CCDC192: variants seen among roughly 807,000 people sequenced by gnomAD.
CCDC192 encodes the protein coiled-coil domain containing 192.
At chr5:127,933,548 G>A (rs7708880) in intron 6 of CCDC192, among the ~76,000 whole-genome samples, 15 of 152,164 alleles carry the variant, frequency 9.9e-5, no homozygotes, top group African/African-American at 2.9e-4. Flanking sequence ...TGAGTGATGC[G>A]AGTGGTTAGA....
At chr5:127,734,871 G>A (rs1752877007) in intron 2 of CCDC192, among the ~76,000 whole-genome samples, 1 of 151,744 alleles carries the variant, frequency 6.6e-6, no homozygotes, top group Non-Finnish European at 1.5e-5. Context: ...CTCCCATTCT[G>A]TAGGTTGCCT....
At chr5:127,713,234 C>CA (rs1405311583) in intron 2 of CCDC192, among the ~76,000 whole-genome samples, 1,477 of 139,374 alleles carry the variant, frequency 0.011, 21 homozygotes, top group African/African-American at 0.032. Context: ...AACTCTATCT[C>CA]AAAAAAAAAA....
intron 6 of CCDC192, among the ~76,000 whole-genome samples, chr5:127,907,534 A>G (rs184598904): frequency 5.4e-4 from 83 of 152,328 alleles, no homozygotes; most frequent in African/African-American, 1.9e-3. Flanking sequence ...AATAGATGTT[A>G]AAGTCTGACA....
Position 127,753,642 on chromosome 5 carries a change from C to A in CCDC192, c.115-626C>A, listed in dbSNP as rs553957294. On this transcript the variant is annotated intron_variant, in intron 2 of 6. Coordinates refer to ENST00000514853, the MANE Select transcript of CCDC192 (RefSeq NM_001317938.2). ...GGTGGAGGTTGCAGTGAGCCAAGAT[C>A]GTGCCCTTGCACTCGGCCTGGGCAA... 2.0e-5 allele frequency among the ~76,000 whole-genome samples: 3 copies of A among 149,910 alleles called. No individual in the cohort carries two copies. The Admixed American group carries it at 2.0e-4, about 10-fold the overall frequency.
At chr5:127,790,604 C>T (rs1580663744) in intron 3 of CCDC192, among the ~76,000 whole-genome samples, 2 of 152,186 alleles carry the variant, frequency 1.3e-5, no homozygotes, top group East Asian at 3.8e-4. Flanking sequence ...TCATTATCCT[C>T]TCCTCTTCCT....
chr5:127,707,769 T>A lies in CCDC192; in HGVS notation c.114+9T>A. 2.5e-6 allele frequency: 1 copy of A among 398,584 alleles called. No homozygotes were observed. The highest frequency in any genetic ancestry group is 4.4e-6 in the Non-Finnish European group (1 of 225,816). The allele number at this position is 398,584 out of a possible 1,614,324, so 24.7% of individuals were successfully genotyped here. A position where few individuals can be genotyped will look rare whatever the true frequency, so the allele number is the denominator to read the frequency against. On this transcript the variant is annotated intron_variant, in intron 2 of 6. Coordinates refer to ENST00000514853, the MANE Select transcript of CCDC192 (RefSeq NM_001317938.2). Reference sequence around the variant, plus strand: ...AAGAAAACAAAGTATCGGTAAGAAATGAAGTTTGTATGAATTCTTTATTTA... The same window carrying A: ...AAGAAAACAAAGTATCGGTAAGAAAAGAAGTTTGTATGAATTCTTTATTTA...
In CCDC192 at chr5:127,753,423, C is replaced by T. The variant is rs113472839; in HGVS notation, c.115-845C>T. On this transcript the variant is annotated intron_variant, in intron 2 of 6. Coordinates refer to ENST00000514853, the MANE Select transcript of CCDC192 (RefSeq NM_001317938.2). Reference sequence around the variant, plus strand: ...ACTTTAGAAACATTTTGAGTCCAGGCGCAGTGGCTCACACCTGCAATCCCA... The same window carrying T: ...ACTTTAGAAACATTTTGAGTCCAGGTGCAGTGGCTCACACCTGCAATCCCA... Among the ~76,000 whole-genome samples the T allele has an allele frequency of 2.4e-3, 359 of 152,180 alleles. 1 individual carries two copies. Among genetic ancestry groups the T allele is most frequent in the African/African-American group, 8.1e-3 (338 of 41,524 alleles).
Position 127,790,283 on chromosome 5 carries a change from T to A in CCDC192, c.223-6820T>A, listed in dbSNP as rs187454711. ...GGAATGGAAATATCTATCTTATGCC[T>A]GTACCATCCTGTATTTTGGGGCTTG... is the stretch of plus-strand genomic sequence containing the variant. On this transcript the variant is annotated intron_variant, in intron 3 of 6. Coordinates refer to ENST00000514853, the MANE Select transcript of CCDC192 (RefSeq NM_001317938.2). Among the ~76,000 whole-genome samples, 53 of 152,318 alleles carry A rather than the reference T, an allele frequency of 3.5e-4. 1 individual carries two copies. The East Asian group carries it at 9.3e-3, about 27-fold the overall frequency.
intron 2 of CCDC192, among the ~76,000 whole-genome samples, chr5:127,723,620 G>T (rs1752149019): frequency 6.6e-6 from 1 of 152,202 alleles, no homozygotes; most frequent in African/African-American, 2.4e-5. Context: ...CTTAAGAGAA[G>T]ATATCATTCG....
rs1049997183 is a variant in CCDC192 at position 127,731,979 on chromosome 5, A to G, written c.115-22289A>G. Among the ~76,000 whole-genome samples, 3 of 152,164 alleles carry G rather than the reference A, an allele frequency of 2.0e-5. No individual in the cohort carries two copies. In the East Asian group the frequency reaches 5.8e-4, roughly 29 times the overall value. The stretch of plus-strand genomic sequence containing the variant: ...TTTAATGACTAAAACATCAACAACA[A>G]AAATAAAAAATTGACAAATGGGATC... On this transcript the variant is annotated intron_variant, in intron 2 of 6. Transcript: ENST00000514853.
intron 6 of CCDC192, among the ~76,000 whole-genome samples, chr5:127,897,338 G>A (rs1047307497): frequency 1.3e-5 from 2 of 150,912 alleles, no homozygotes; most frequent in Admixed American, 1.3e-4. Flanking sequence ...ATGCCAAAAA[G>A]GGATATGATG....
chr5:127,774,340 G>A (rs1755733227), intron 3 of CCDC192, among the ~76,000 whole-genome samples: 1 of 152,150 alleles, frequency 6.6e-6, no homozygotes, highest in South Asian at 2.1e-4. Flanking sequence ...TCAAGATCAT[G>A]AAGATTTACC....
chr5:127,890,319 G>A (rs1057499076), intron 6 of CCDC192, among the ~76,000 whole-genome samples: 1 of 152,134 alleles, frequency 6.6e-6, no homozygotes, highest in Non-Finnish European at 1.5e-5. Flanking sequence ...CGAGGCTACA[G>A]TGAGATGTCA....
chr5:127,732,832 G>T (rs555225378), intron 2 of CCDC192, among the ~76,000 whole-genome samples: 4 of 152,088 alleles, frequency 2.6e-5, no homozygotes, highest in Non-Finnish European at 5.9e-5. Context: ...CACACACTGG[G>T]GCCTGCAAGG....
At chr5:127,922,999 T>C (rs1405703391) in intron 6 of CCDC192, among the ~76,000 whole-genome samples, 1 of 152,132 alleles carries the variant, frequency 6.6e-6, no homozygotes, top group African/African-American at 2.4e-5. Context: ...ACCAAAATAG[T>C]ATCAGGCTTA....
At chr5:127,900,763 G>A (rs1753015634) in intron 6 of CCDC192, among the ~76,000 whole-genome samples, 1 of 152,126 alleles carries the variant, frequency 6.6e-6, no homozygotes, top group African/African-American at 2.4e-5. Context: ...TAAAGGCCTA[G>A]GTAACAAGTA....
intron 3 of CCDC192, among the ~76,000 whole-genome samples, chr5:127,761,233 T>A (rs1344651532): frequency 6.6e-6 from 1 of 152,218 alleles, no homozygotes; most frequent in Non-Finnish European, 1.5e-5. Context: ...CATTTAACAA[T>A]TGTTTATTGA....
intron 2 of CCDC192, among the ~76,000 whole-genome samples, chr5:127,712,963 A>C (rs1751422933): frequency 1.3e-5 from 2 of 152,182 alleles, no homozygotes; most frequent in South Asian, 2.1e-4. Context: ...GGCCGGGTAC[A>C]GTGGCTCACG....
At chr5:127,755,994 G>C (rs766964328) in intron 3 of CCDC192, among the ~76,000 whole-genome samples, 3 of 152,082 alleles carry the variant, frequency 2.0e-5, no homozygotes, top group Non-Finnish European at 4.4e-5. Context: ...TTAGCCCAGC[G>C]TAGTGGGTGG....
Sources: allele counts gnomAD v4.1 joint callset (sites outside exome capture counted in the v4.1 genomes callset), GRCh38; gene constraint gnomAD v4.1.1; transcripts MANE v1.5; gene names NCBI Gene and HGNC (gene_info 2026-07-23, HGNC 2026-07-21).